Variants in GTF3C1 observed in about 807,000 individuals in gnomAD.
GTF3C1 encodes general transcription factor 3C polypeptide 1.
In GTF3C1, 57 loss-of-function variants were observed where a neutral mutation model predicts 226.7. The ratio of observed to expected loss-of-function variants is 0.25; its 90% CI spans 0.20 to 0.31. GTF3C1 has a LOEUF of 0.31. Among genes scored for constraint, GTF3C1 ranks in the 10% least tolerant of loss-of-function variants. The probability of loss-of-function intolerance (pLI) is 1.00; values close to 1 mark genes in which losing one functional copy is unlikely to be tolerated. For synonymous variants in GTF3C1, 1,090 were observed against 1,084.8 expected, an observed-to-expected ratio of 1.00 and a Z score of -0.09; for missense variants, 2,217 against 2,776.1, an observed-to-expected ratio of 0.80 and a Z score of 4.53.
rs993758468 is a variant in GTF3C1, at chr16:27,492,196, C to T, written c.3151+142G>A. On this transcript the variant is annotated intron_variant, in intron 19 of 36. Coordinates refer to ENST00000356183, the MANE Select transcript of GTF3C1 (RefSeq NM_001520.4). This position sits in a 1 kb window ranked among gnomAD's most constrained non-coding sequence, Gnocchi z 5.0. ...GCCACTTTCCTTTCCAAGGGAGCCC[C>T]AGGGGTGCTCTGGGCCTCTGGGGAG... 1.7e-6 allele frequency: 1 copy of T among 600,178 alleles called. No individual in the cohort carries two copies. The highest frequency in any genetic ancestry group is 1.8e-5 in the African/African-American group (1 of 54,106). The allele number at this position is 600,178 out of a possible 1,614,324, so 37.2% of individuals were successfully genotyped here.
intron 13 of GTF3C1, 115 bp from the exon 14 acceptor site, chr16:27,497,936 T>G (rs1230380007): frequency 1.2e-6 from 1 of 824,946 alleles, no homozygotes; most frequent in Non-Finnish European, 1.9e-6. Context: ...TTTCAAATTC[T>G]GCTCCTTGTA....
At chr16:27,478,774 G>A (rs997897917) in intron 27 of GTF3C1, among the ~76,000 whole-genome samples, 4 of 151,738 alleles carry the variant, frequency 2.6e-5, no homozygotes, top group Admixed American at 1.3e-4. Flanking sequence ...GTGGCAACAC[G>A]GAAAAATGTG....
chr16:27,513,759 G>T (rs947739289), intron 6 of GTF3C1, among the ~76,000 whole-genome samples: 2 of 152,202 alleles, frequency 1.3e-5, no homozygotes, highest in African/African-American at 4.8e-5. Flanking sequence ...GTAGTCATAA[G>T]AATAACAGGG....
chr16:27,544,114 G>C (rs917307574), intron 2 of GTF3C1, among the ~76,000 whole-genome samples: 8 of 152,120 alleles, frequency 5.3e-5, no homozygotes, highest in African/African-American at 1.9e-4. Context: ...ACAGACAGGG[G>C]GCCGTTGCTC....
In GTF3C1 at chr16:27,495,182, CAGGTGCAGGA is replaced by C. The variant is rs749342928; in HGVS notation, c.2632+19_2632+28del. Reference sequence around the variant, plus strand: ...ATCCTACTACTGGGCCTGCCCGCCCCAGGTGCAGGAGTGGCAGGGGCCTCTCACCTGTCTC... The same window carrying C: ...ATCCTACTACTGGGCCTGCCCGCCCCGTGGCAGGGGCCTCTCACCTGTCTC... On this transcript the variant is annotated intron_variant, in intron 15 of 36. Transcript: ENST00000356183. 6.4e-7 allele frequency: 1 copy of C among 1,567,288 alleles called. No individual in the cohort carries two copies. The highest frequency in any genetic ancestry group is 1.1e-5 in the South Asian group (1 of 89,830).
chr16:27,510,874 CA>C (rs2088562789), intron 7 of GTF3C1, among the ~76,000 whole-genome samples: 1 of 152,184 alleles, frequency 6.6e-6, no homozygotes, highest in Non-Finnish European at 1.5e-5. Flanking sequence ...AACTCCAGAC[CA>C]ATCTTAGAAA....
At chr16:27,508,347 G>A (rs2088519044) in intron 8 of GTF3C1, among the ~76,000 whole-genome samples, 193 bp downstream of exon 8, 1 of 152,182 alleles carries the variant, frequency 6.6e-6, no homozygotes, top group South Asian at 2.1e-4. Context: ...TTCTTAAAAA[G>A]TGAAGACAAA....
chr16:27,462,569 T>C lies in GTF3C1; in HGVS notation c.5925-83A>G. 1 of 1,045,036 alleles carries C rather than the reference T, an allele frequency of 9.6e-7. No homozygotes were observed. The highest frequency in any genetic ancestry group is 1.4e-6 in the Non-Finnish European group (1 of 695,734). 64.7% of individuals were successfully genotyped at this position (1,045,036 alleles called of 1,614,324 possible). On this transcript the variant is annotated intron_variant, in intron 35 of 36. Coordinates refer to ENST00000356183, the MANE Select transcript of GTF3C1 (RefSeq NM_001520.4). The surrounding 1 kb of genome is among the most constrained non-coding windows in gnomAD (Gnocchi z 4.5). ...GACAGAACACTGAGGCTCAGGGGCG[T>C]CCTAGGCCTGGCCCAGGTCACAGGG...
chr16:27,526,460 C>T (rs750454186), intron 6 of GTF3C1, among the ~76,000 whole-genome samples: 8 of 152,198 alleles, frequency 5.3e-5, no homozygotes, highest in Non-Finnish European at 8.8e-5. Flanking sequence ...TCTGTCTCTG[C>T]GGGGAAGGGC....
intron 19 of GTF3C1, among the ~76,000 whole-genome samples, chr16:27,490,446 G>A (rs1420476884): frequency 2.0e-5 from 3 of 152,118 alleles, no homozygotes; most frequent in African/African-American, 7.2e-5. Context: ...TGGGGCCCGG[G>A]GCAGTGGGAG....
chr16:27,488,591 T>C lies in GTF3C1; in HGVS notation c.3474A>G (p.Thr1158=). Residue 1158 remains threonine, a synonymous_variant, in exon 22 of 37, where the codon ACA becomes ACG. Coordinates refer to ENST00000356183, the MANE Select transcript of GTF3C1 (RefSeq NM_001520.4). ...AENGLTVRLQ[T]FLSKRPMPLS... is the part of the protein sequence containing the mutation. ...GGGGCATTGGGCGCTTGGACAGAAA[T>C]GTCTGGAGCCTCACTGTGAGTCCAT... 6.2e-7 allele frequency: 1 copy of C among 1,614,028 alleles called. No homozygotes were observed.
rs150842314 is a variant in GTF3C1 at position 27,478,675 on chromosome 16, A to G, written c.4197-144T>C. ...ACTCACCAAATGTCGAGTGCTGTGC[A>G]TGTAAATTAAAATGAGAATATACCC... On this transcript the variant is annotated intron_variant, in intron 27 of 36. Coordinates refer to ENST00000356183, the MANE Select transcript of GTF3C1 (RefSeq NM_001520.4). 8 of 701,024 alleles carry G rather than the reference A, an allele frequency of 1.1e-5. 1 individual carries two copies. The highest frequency in any genetic ancestry group is 7.0e-5 in the African/African-American group (4 of 56,806). 43.4% of individuals were successfully genotyped at this position (701,024 alleles called of 1,614,324 possible). A position where few individuals can be genotyped will look rare whatever the true frequency, so the allele number is the denominator to read the frequency against.
chr16:27,491,729 G>A (rs965555206), intron 19 of GTF3C1, among the ~76,000 whole-genome samples: 1 of 134,412 alleles, frequency 7.4e-6, no homozygotes, highest in Non-Finnish European at 1.6e-5. Context: ...ACTGTCACCA[G>A]TGGACGGCCA....
chr16:27,533,914 G>T (rs2088960464), intron 4 of GTF3C1, among the ~76,000 whole-genome samples: 2 of 152,210 alleles, frequency 1.3e-5, no homozygotes, highest in South Asian at 4.1e-4. Flanking sequence ...GCTGAGGCAG[G>T]AGAATTGCTT....
At chr16:27,483,216 C>G (rs1298335719) in intron 25 of GTF3C1, 91 bp from the exon 26 acceptor site, 12 of 1,197,466 alleles carry the variant, frequency 1.0e-5, no homozygotes, top group Non-Finnish European at 1.5e-5. Flanking sequence ...ATGTTTCTGG[C>G]CTTGGCCGAC....
intron 12 of GTF3C1, 48 bp downstream of exon 12, chr16:27,501,143 T>C (rs764370031): frequency 4.5e-5 from 70 of 1,541,120 alleles, no homozygotes; most frequent in Non-Finnish European, 6.2e-5. Flanking sequence ...GACAAAAACT[T>C]CCAACAGCAC....
In GTF3C1 at chr16:27,504,593, A is replaced by G. The variant is rs73533022; in HGVS notation, c.1770+1306T>C. On this transcript the variant is annotated intron_variant, in intron 10 of 36. Coordinates refer to ENST00000356183, the MANE Select transcript of GTF3C1 (RefSeq NM_001520.4). ...GGGCCTCGCTTTCTTCTCACAGACC[A>G]AAGCTCACATTGACCTTACAGGGCT... Among the ~76,000 whole-genome samples, 1,113 of 152,272 alleles carry G rather than the reference A, an allele frequency of 7.3e-3. 15 individuals carry two copies. Among genetic ancestry groups the G allele is most frequent in the African/African-American group, 0.026 (1,075 of 41,554 alleles).
chr16:27,465,597 C>A (rs1715941813), intron 32 of GTF3C1, 57 bp from the exon 33 acceptor site: 3 of 1,374,188 alleles, frequency 2.2e-6, no homozygotes, highest in Non-Finnish European at 3.0e-6. Flanking sequence ...CCTCCCCTGA[C>A]CAATGCACAG....
In GTF3C1 at chr16:27,492,956, GA is replaced by G. The variant is rs967450821; in HGVS notation, c.2876+242del. 8.6e-5 allele frequency among the ~76,000 whole-genome samples: 13 copies of G among 151,748 alleles called. No individual in the cohort carries two copies. The highest frequency in any genetic ancestry group is 7.9e-4 in the Admixed American group (12 of 15,226). On this transcript the variant is annotated intron_variant, in intron 17 of 36. Transcript: ENST00000356183. The surrounding 1 kb of genome is among the most constrained non-coding windows in gnomAD (Gnocchi z 5.0). ...TTTGGAAAGTAAAAGTAATGAAAGG[GA>G]AAAAAAATTCCGATACTTGCAGACA...
Sources: gnomAD v4.1 joint callset for allele counts (sites outside exome capture counted in the v4.1 genomes callset) on GRCh38, gnomAD v4.1.1 for gene constraint, Gnocchi (gnomAD v3.1) non-coding constraint, MANE v1.5 for transcripts, NCBI Gene and HGNC (gene_info 2026-07-23, HGNC 2026-07-21) for gene names.